The following TRAF5 variants were observed in gnomAD, a reference collection of about 807,000 sequenced individuals.
TRAF5 encodes the protein TNF receptor associated factor 5.
A neutral mutation model predicts 64.5 loss-of-function variants in TRAF5; 48 were observed. The observed-to-expected ratio is 0.74, with a 90% CI of 0.59 to 0.95. TRAF5 has a LOEUF of 0.95. Ranked by LOEUF, TRAF5 falls within the 40% of genes least tolerant of loss-of-function variation. TRAF5 has a pLI of 0.00. For missense variants in TRAF5, 545 were observed against 662.8 expected (o/e 0.82, Z 1.95); for synonymous variants, 206 against 240.5 (o/e 0.86, Z 1.33).
At chr1:211,346,511 A>G in intron 1 of TRAF5, 1 of 914,922 alleles carries the variant, frequency 1.1e-6, no homozygotes, top group Non-Finnish European at 1.3e-6. Flanking sequence ...TTCCCCAAGA[A>G]TCAGAACTTG....
At position 211,363,516 on chromosome 1, in the gene TRAF5, T is replaced by C. The variant is rs573008239; in HGVS notation, c.697-1860T>C. On this transcript the variant is annotated intron_variant, in intron 7 of 10. Transcript: ENST00000261464. Reference sequence around the variant, plus strand: ...GATGGACAGAAGAGGCCTTTTACTTTTTATTCTTCATCTTATGTTGTTTGA... The same window carrying C: ...GATGGACAGAAGAGGCCTTTTACTTCTTATTCTTCATCTTATGTTGTTTGA... 1.1e-4 allele frequency among the ~76,000 whole-genome samples: 17 copies of C among 152,336 alleles called. 1 individual carries two copies. The South Asian group carries it at 3.5e-3, about 32-fold the overall frequency.
intron 7 of TRAF5, among the ~76,000 whole-genome samples, chr1:211,364,383 T>C (rs2102763529): frequency 6.6e-6 from 1 of 152,242 alleles, no homozygotes; most frequent in Middle Eastern, 3.4e-3. Flanking sequence ...GAACTAGCGT[T>C]GACTTAAAAC....
intron 1 of TRAF5, among the ~76,000 whole-genome samples, chr1:211,336,786 A>G (rs1702304847): frequency 6.6e-6 from 1 of 152,218 alleles, no homozygotes; most frequent in African/African-American, 2.4e-5. Context: ...CAGCCTCCTG[A>G]GTAGCTGAGA....
intron 8 of TRAF5, 67 bp from the exon 9 acceptor site, chr1:211,369,385 C>A: frequency 7.6e-7 from 1 of 1,316,044 alleles, no homozygotes. Flanking sequence ...CAAGTGCATG[C>A]ATATTTTAAC....
chr1:211,336,660 T>C (rs747619757), intron 1 of TRAF5, among the ~76,000 whole-genome samples: 1 of 152,164 alleles, frequency 6.6e-6, no homozygotes, highest in Non-Finnish European at 1.5e-5. Context: ...GTTTGTCTGT[T>C]TGTTTTTGTT....
At chr1:211,339,256 G>C (rs1702382940) in intron 1 of TRAF5, among the ~76,000 whole-genome samples, 1 of 152,154 alleles carries the variant, frequency 6.6e-6, no homozygotes, top group South Asian at 2.1e-4. Context: ...TAAAAGTGCA[G>C]GCTGGAAATT....
intron 1 of TRAF5, among the ~76,000 whole-genome samples, chr1:211,341,131 G>A (rs1238038117): frequency 6.6e-6 from 1 of 152,184 alleles, no homozygotes; most frequent in Non-Finnish European, 1.5e-5. Context: ...TAGTTGAGGT[G>A]GCAGTAGGTA....
chr1:211,366,967 T>TTG (rs1553272283), intron 8 of TRAF5, among the ~76,000 whole-genome samples: 57 of 40,910 alleles, frequency 1.4e-3, no homozygotes, highest in East Asian at 7.6e-3. Context: ...GGTCAGCTAA[T>TTG]TGTTTGTTTG....
intron 1 of TRAF5, 56 bp from the exon 2 acceptor site, chr1:211,353,183 T>A: frequency 6.7e-7 from 1 of 1,494,000 alleles, no homozygotes; most frequent in African/African-American, 1.4e-5. Flanking sequence ...CTGATGGCTG[T>A]GGTTGTTTCA....
At chr1:211,328,638 G>A (rs1051865035) in intron 1 of TRAF5, among the ~76,000 whole-genome samples, 1 of 152,170 alleles carries the variant, frequency 6.6e-6, no homozygotes, top group Non-Finnish European at 1.5e-5. Flanking sequence ...TTGCACAGTC[G>A]GGGAGCTAGA....
At position 211,374,509 on chromosome 1, in the gene TRAF5, G is replaced by C. The variant is rs186323245; in HGVS notation, c.*1807G>C. ...GACTCACACTGCAGCAATCATCCCA[G>C]ATGATTAAATTCAAAGAAATAGGTT... On this transcript the variant is annotated 3_prime_UTR_variant, in exon 11 of 11. Coordinates refer to ENST00000261464, the MANE Select transcript of TRAF5 (RefSeq NM_001033910.3). 6.6e-6 allele frequency: 1 copy of C among 152,214 alleles called. No individual in the cohort carries two copies. 9.4% of individuals were successfully genotyped at this position (152,214 alleles called of 1,614,324 possible). A position where few individuals can be genotyped will look rare whatever the true frequency, so the allele number is the denominator to read the frequency against.
In TRAF5 at chr1:211,369,564, A is replaced by G. The variant is rs371288296; in HGVS notation, c.902A>G (p.Lys301Arg). ...EFKQFAQLFG[K>R]NGSFLPNIQV... is the part of the protein sequence containing the mutation. The stretch of plus-strand genomic sequence containing the variant: ...AAGCAGTTTGCACAGTTGTTTGGCA[A>G]AAATGGAAGCTTCCTCCCAAACATC... Residue 301 changes from lysine to arginine, a missense_variant, in exon 9 of 11, where the codon AAA becomes AGA. By Grantham distance (26) the Lys-to-Arg change is conservative. Coordinates refer to ENST00000261464, the MANE Select transcript of TRAF5 (RefSeq NM_001033910.3). 4 of 1,593,256 alleles carry G rather than the reference A, an allele frequency of 2.5e-6. No individual in the cohort carries two copies. The highest frequency in any genetic ancestry group is 2.3e-5 in the East Asian group (1 of 44,196).
chr1:211,343,360 C>T (rs915764476), intron 1 of TRAF5, among the ~76,000 whole-genome samples: 3 of 152,132 alleles, frequency 2.0e-5, no homozygotes, highest in Non-Finnish European at 2.9e-5. Flanking sequence ...TGAGGGCCTC[C>T]ACCACTACCT....
chr1:211,365,097 C>T (rs557041398), intron 7 of TRAF5, among the ~76,000 whole-genome samples: 4 of 151,844 alleles, frequency 2.6e-5, no homozygotes, highest in East Asian at 1.9e-4. Context: ...CGCTTGAACC[C>T]GAGAGGCAGA....
intron 1 of TRAF5, among the ~76,000 whole-genome samples, chr1:211,333,999 A>T (rs1397759945): frequency 6.6e-6 from 1 of 152,232 alleles, no homozygotes; most frequent in African/African-American, 2.4e-5. Context: ...GTGATTTGCT[A>T]GGAGAACTTA....
chr1:211,355,968 G>T (rs1702949285), intron 3 of TRAF5, among the ~76,000 whole-genome samples: 1 of 152,162 alleles, frequency 6.6e-6, no homozygotes, highest in Non-Finnish European at 1.5e-5. Context: ...GCCGACTCCT[G>T]GTTTGCGCTA....
chr1:211,370,099 G>A (rs1703474945), intron 9 of TRAF5, among the ~76,000 whole-genome samples: 1 of 152,134 alleles, frequency 6.6e-6, no homozygotes, highest in Admixed American at 6.6e-5. Flanking sequence ...GAGAGCATCT[G>A]TAGTTCTGCA....
At position 211,374,688 on chromosome 1, in the gene TRAF5, T is replaced by C. The variant is rs1248611537; in HGVS notation, c.*1986T>C. Reference sequence around the variant, plus strand: ...GTATGTTTGTTTTTAATATTCATCATATCCAAGTTCACTCTGTCTTCCTGA... The same window carrying C: ...GTATGTTTGTTTTTAATATTCATCACATCCAAGTTCACTCTGTCTTCCTGA... On this transcript the variant is annotated 3_prime_UTR_variant, in exon 11 of 11. Coordinates refer to ENST00000261464, the MANE Select transcript of TRAF5 (RefSeq NM_001033910.3). 3.3e-5 allele frequency: 5 copies of C among 152,234 alleles called. No homozygotes were observed. The highest frequency in any genetic ancestry group is 7.4e-5 in the Non-Finnish European group (5 of 68,026). 9.4% of individuals were successfully genotyped at this position (152,234 alleles called of 1,614,324 possible).
At chr1:211,334,322 C>T (rs763023540) in intron 1 of TRAF5, among the ~76,000 whole-genome samples, 1 of 152,182 alleles carries the variant, frequency 6.6e-6, no homozygotes, top group Non-Finnish European at 1.5e-5. Flanking sequence ...TCATCTAGCA[C>T]ATGTCAGAAT....
Sources: allele counts gnomAD v4.1 joint callset (sites outside exome capture counted in the v4.1 genomes callset), GRCh38; gene constraint gnomAD v4.1.1; transcripts MANE v1.5; gene names NCBI Gene and HGNC (gene_info 2026-07-23, HGNC 2026-07-21).